Variants in ZNF136 observed in about 807,000 individuals in gnomAD.
ZNF136 encodes zinc finger protein 136, also known as zinc finger protein 136 (clone pHZ-20).
Under a neutral mutation model 11.4 loss-of-function variants are expected in ZNF136, and 8 were observed. The ratio of observed to expected loss-of-function variants is 0.70; its 90% confidence interval spans 0.41 to 1.27. The LOEUF is 1.27. Among genes scored for constraint, ZNF136 ranks in the 50% most tolerant of loss-of-function variants. The pLI is 0.01. For synonymous variants in ZNF136, 190 were observed against 207.1 expected (o/e 0.92, Z 0.71); for missense variants, 590 against 656.5 (o/e 0.90, Z 1.11).
chr19:12,163,752 C>T (rs1977146108), intron 1 of ZNF136: 1 of 153,142 alleles, frequency 6.5e-6, no homozygotes, highest in African/African-American at 2.4e-5. Flanking sequence ...CTATATTCTA[C>T]ATTTCAGATA....
intron 1 of ZNF136, among the ~76,000 whole-genome samples, chr19:12,179,224 A>G (rs1343090868): frequency 6.6e-6 from 1 of 152,114 alleles, no homozygotes; most frequent in Non-Finnish European, 1.5e-5. Context: ...AGAAGGTATA[A>G]AAAAAAGTCA....
In ZNF136 at chr19:12,186,535, C is replaced by G. The variant is rs776818432; in HGVS notation, c.192-35C>G. ...ATAGCTATTAATATAAAATGATTAA[C>G]AAATCCTTAGTAATGTCCGTCTCAT... On this transcript the variant is annotated intron_variant, in intron 3 of 3. Transcript: ENST00000343979. 1.9e-4 allele frequency: 291 copies of G among 1,495,862 alleles called. 2 individuals are homozygous for G. The South Asian group carries it at 3.6e-3, about 18-fold the overall frequency. The allele number at this position is 1,495,862 out of a possible 1,614,324, so 92.7% of individuals were successfully genotyped here.
At chr19:12,177,803 C>T (rs888651913) in intron 1 of ZNF136, among the ~76,000 whole-genome samples, 25 of 152,130 alleles carry the variant, frequency 1.6e-4, no homozygotes, top group African/African-American at 6.0e-4. Flanking sequence ...TGTTTAGATC[C>T]TTTGCCCATT....
At chr19:12,181,408 T>G (rs1433722814) in intron 1 of ZNF136, among the ~76,000 whole-genome samples, 1 of 152,222 alleles carries the variant, frequency 6.6e-6, no homozygotes. Context: ...AACACCAGCT[T>G]CTGTTCTCGG....
At chr19:12,166,977 C>G (rs1162894807) in intron 1 of ZNF136, among the ~76,000 whole-genome samples, 1 of 152,182 alleles carries the variant, frequency 6.6e-6, no homozygotes, top group African/African-American at 2.4e-5. Flanking sequence ...CTGCAAAGAT[C>G]TGAAAGTTTA....
Position 12,186,188 on chromosome 19 carries a change from A to G in ZNF136, c.191+14A>G, listed in dbSNP as rs765525160. The stretch of plus-strand genomic sequence containing the variant: ...GAGAAATCTAAGGTAATTTGTACTC[A>G]GAGAAAGCAAATTCACTTGAAAGTA... On this transcript the variant is annotated intron_variant, in intron 3 of 3. Coordinates refer to ENST00000343979, the MANE Select transcript of ZNF136 (RefSeq NM_003437.5). 1 of 1,603,482 alleles carries G rather than the reference A, an allele frequency of 6.2e-7. No individual in the cohort carries two copies. Among genetic ancestry groups the G allele is most frequent in the Admixed American group, 1.7e-5 (1 of 57,710 alleles).
At position 12,163,221 on chromosome 19, in the gene ZNF136, C is replaced by A; in HGVS notation, c.3+15C>A. 7.2e-7 allele frequency: 1 copy of A among 1,384,706 alleles called. No individual in the cohort carries two copies. The highest frequency in any genetic ancestry group is 9.4e-7 in the Non-Finnish European group (1 of 1,060,000). The allele number at this position is 1,384,706 out of a possible 1,614,324, so 85.8% of individuals were successfully genotyped here. ...GTCAGGAAATGGTGAGTGTGTCGGG[C>A]CCTGCGTCCCGAGACAGGGAGGAGG... On this transcript the variant is annotated intron_variant, in intron 1 of 3. Coordinates refer to ENST00000343979, the MANE Select transcript of ZNF136 (RefSeq NM_003437.5).
intron 1 of ZNF136, among the ~76,000 whole-genome samples, chr19:12,175,208 T>TG (rs547525330): frequency 4.6e-5 from 7 of 151,338 alleles, no homozygotes; most frequent in East Asian, 1.9e-4. Flanking sequence ...TTTTTTTTTT[T>TG]GGGGGGGACA....
At chr19:12,181,646 T>TG (rs1462716802) in intron 1 of ZNF136, among the ~76,000 whole-genome samples, 3 of 151,792 alleles carry the variant, frequency 2.0e-5, no homozygotes, top group African/African-American at 7.3e-5. Flanking sequence ...CTAATTTTTT[T>TG]TGGGGGGGGA....
At chr19:12,184,350 G>A (rs1915029433) in intron 1 of ZNF136, among the ~76,000 whole-genome samples, 1 of 152,016 alleles carries the variant, frequency 6.6e-6, no homozygotes, top group Non-Finnish European at 1.5e-5. Context: ...CACGAGGTCA[G>A]GAGATTGAGA....
At chr19:12,166,864 G>A (rs1977193897) in intron 1 of ZNF136, among the ~76,000 whole-genome samples, 1 of 152,200 alleles carries the variant, frequency 6.6e-6, no homozygotes. Flanking sequence ...AAAGGGAAGT[G>A]GGTAGCCTTG....
intron 1 of ZNF136, among the ~76,000 whole-genome samples, chr19:12,166,219 C>T (rs1421526272): frequency 2.0e-5 from 3 of 150,332 alleles, no homozygotes; most frequent in Non-Finnish European, 2.9e-5. Flanking sequence ...CAGAGCAAGA[C>T]TCCGTCTCAA....
intron 1 of ZNF136, among the ~76,000 whole-genome samples, chr19:12,176,375 G>A (rs1914793609): frequency 6.6e-6 from 1 of 151,936 alleles, no homozygotes; most frequent in South Asian, 2.1e-4. Context: ...TGCCCAGGTG[G>A]GACTGCAGTG....
At chr19:12,167,893 A>T (rs1914519951) in intron 1 of ZNF136, among the ~76,000 whole-genome samples, 1 of 152,176 alleles carries the variant, frequency 6.6e-6, no homozygotes, top group African/African-American at 2.4e-5. Context: ...ATCCAGTTAA[A>T]TAGATATGGT....
chr19:12,187,970 C>T lies in ZNF136; in HGVS notation c.1592C>T (p.Pro531Leu). 6.5e-7 allele frequency: 1 copy of T among 1,537,522 alleles called. No homozygotes were observed. The highest frequency in any genetic ancestry group is 8.7e-7 in the Non-Finnish European group (1 of 1,148,514). ...RHMLTHAEDG[P>L]PYKCMWESL ...ATGTTAACACATGCTGAAGATGGAC[C>T]ACCTTATAAATGCATGTGGGAAAGC... The change falls in exon 4 of 4, where the codon CCA (proline) becomes CTA (leucine). Residue 531 changes from proline (P) to leucine (L), a missense_variant. Pro to Leu is a moderately conservative substitution (Grantham distance 98). Transcript: ENST00000343979.
chr19:12,185,714 T>C, intron 1 of ZNF136, 71 bp from the exon 2 acceptor site: 3 of 1,551,376 alleles, frequency 1.9e-6, no homozygotes, highest in Non-Finnish European at 2.6e-6. Flanking sequence ...GAACTTCTTA[T>C]GAATTGAGTA....
intron 1 of ZNF136, chr19:12,184,825 T>C (rs188857758): frequency 7.9e-5 from 12 of 152,258 alleles, no homozygotes; most frequent in African/African-American, 2.9e-4. Context: ...ATTTTCATAT[T>C]TTTTCCATAA....
At chr19:12,182,149 A>G (rs960154961) in intron 1 of ZNF136, among the ~76,000 whole-genome samples, 1 of 152,210 alleles carries the variant, frequency 6.6e-6, no homozygotes, top group East Asian at 1.9e-4. Context: ...GCAGTGGATG[A>G]CAGTTTTATA....
intron 3 of ZNF136, 76 bp from the exon 4 acceptor site, chr19:12,186,494 T>A (rs1236999350): frequency 1.2e-5 from 15 of 1,256,822 alleles, no homozygotes; most frequent in Admixed American, 7.8e-5. Context: ...CTGATAATAT[T>A]GAAAATGCAA....
Sources: allele counts gnomAD v4.1 joint callset (sites outside exome capture counted in the v4.1 genomes callset), GRCh38; gene constraint gnomAD v4.1.1; transcripts MANE v1.5; gene names NCBI Gene and HGNC (gene_info 2026-07-23, HGNC 2026-07-21).